The following EXOC6B variants were observed in gnomAD, a reference collection of about 807,000 sequenced individuals.
EXOC6B encodes SEC15 homolog B.
Under a neutral mutation model 113.5 loss-of-function variants are expected in EXOC6B, and 54 were observed. The ratio of observed to expected loss-of-function variants is 0.48; its 90% CI spans 0.38 to 0.60. The LOEUF (loss-of-function observed/expected upper bound fraction) is 0.60. Among genes scored for constraint, EXOC6B ranks in the 20% least tolerant of loss-of-function variants. The probability of loss-of-function intolerance (pLI) is 0.00; values close to 1 mark genes in which losing one functional copy is unlikely to be tolerated. For missense variants in EXOC6B, 797 were observed against 977.5 expected (o/e 0.82, Z 2.46); for synonymous variants, 357 against 339.0 (o/e 1.05, Z -0.58).
At chr2:72,530,254 T>C (rs1701933628) in intron 8 of EXOC6B, among the ~76,000 whole-genome samples, 1 of 152,224 alleles carries the variant, frequency 6.6e-6, no homozygotes, top group Non-Finnish European at 1.5e-5. Context: ...TTTTCCAGTG[T>C]AAACAGTTTA....
intron 20 of EXOC6B, among the ~76,000 whole-genome samples, chr2:72,261,895 G>A (rs139131639): frequency 5.3e-5 from 8 of 152,166 alleles, no homozygotes; most frequent in African/African-American, 1.7e-4. Flanking sequence ...GAAATGAAAC[G>A]CAATGCCTTA....
At chr2:72,290,042 G>A (rs968083323) in intron 20 of EXOC6B, among the ~76,000 whole-genome samples, 2 of 152,124 alleles carry the variant, frequency 1.3e-5, no homozygotes, top group Non-Finnish European at 2.9e-5. Flanking sequence ...CTTTGGACTC[G>A]AACCAAACCA....
chr2:72,807,709 T>C (rs1266078350), intron 1 of EXOC6B, among the ~76,000 whole-genome samples: 1 of 152,102 alleles, frequency 6.6e-6, no homozygotes, highest in Non-Finnish European at 1.5e-5. Flanking sequence ...TGGTTACAAC[T>C]GGAGGTCATT....
chr2:72,230,646 T>C lies in EXOC6B; in HGVS notation c.2197-46459A>G, dbSNP rs553035322. On this transcript the variant is annotated intron_variant, in intron 20 of 21. Transcript: ENST00000272427. Reference sequence around the variant, plus strand: ...GTTAGGTACTAAGGAAAAGAAGAAATAGGTTGTGTGAAAAGCTTACAATAG... The same window carrying C: ...GTTAGGTACTAAGGAAAAGAAGAAACAGGTTGTGTGAAAAGCTTACAATAG... Among the ~76,000 whole-genome samples the C allele has an allele frequency of 2.2e-4, 33 of 152,248 alleles. No homozygotes were observed. The South Asian group carries it at 5.0e-3, about 23-fold the overall frequency.
chr2:72,222,965 G>A (rs1680971039), intron 20 of EXOC6B, among the ~76,000 whole-genome samples: 1 of 152,164 alleles, frequency 6.6e-6, no homozygotes, highest in African/African-American at 2.4e-5. Context: ...TCACAGATTA[G>A]TGGTTATATA....
At chr2:72,451,654 C>CTGTGTGTGTGTGTGTGTGTG (rs141514102) in intron 18 of EXOC6B, among the ~76,000 whole-genome samples, 40 of 142,496 alleles carry the variant, frequency 2.8e-4, no homozygotes, top group African/African-American at 9.9e-4. Flanking sequence ...GTCTTTGTGC[C>CTGTGTGTGTGTGTGTGTGTG]TGTGTGTGTG....
chr2:72,645,130 G>T (rs551600552), intron 6 of EXOC6B, among the ~76,000 whole-genome samples: 2 of 152,042 alleles, frequency 1.3e-5, no homozygotes, highest in South Asian at 4.2e-4. Flanking sequence ...AAAAAGTGGG[G>T]GTTGCAATCC....
At chr2:72,730,862 T>A (rs1056759126) in intron 5 of EXOC6B, 145 bp downstream of exon 5, 19 of 555,644 alleles carry the variant, frequency 3.4e-5, no homozygotes, top group Non-Finnish European at 5.9e-5. Flanking sequence ...TATAAATAAA[T>A]CTAGAATGAA....
chr2:72,190,823 T>C (rs1467773857), intron 20 of EXOC6B, among the ~76,000 whole-genome samples: 1 of 152,224 alleles, frequency 6.6e-6, no homozygotes, highest in Non-Finnish European at 1.5e-5. Flanking sequence ...GCGGTTTTTG[T>C]AAACTAGGTA....
chr2:72,780,140 G>C (rs1408678526), intron 1 of EXOC6B, among the ~76,000 whole-genome samples: 1 of 152,062 alleles, frequency 6.6e-6, no homozygotes, highest in Non-Finnish European at 1.5e-5. Context: ...TGGAAAAAAA[G>C]GCAAAGAAAC....
In EXOC6B at chr2:72,741,473, T is replaced by C; in HGVS notation, c.114-4A>G. The C allele has an allele frequency of 6.4e-7, 1 of 1,558,634 alleles. No individual in the cohort carries two copies. The highest frequency in any genetic ancestry group is 8.7e-7 in the Non-Finnish European group (1 of 1,151,382). ...TTCTTCACCATCATAAACAGACCTT[T>C]AAAAAAAAATGGCACGAAGATTATA... On this transcript the variant is annotated splice_region_variant and splice_polypyrimidine_tract_variant and intron_variant, in intron 1 of 21. Coordinates refer to ENST00000272427, the MANE Select transcript of EXOC6B (RefSeq NM_015189.3).
At chr2:72,549,512 C>A (rs2105816228) in intron 8 of EXOC6B, among the ~76,000 whole-genome samples, 1 of 152,254 alleles carries the variant, frequency 6.6e-6, no homozygotes, top group African/African-American at 2.4e-5. Context: ...TGGCTGGTGA[C>A]TACATAGATG....
Position 72,575,634 on chromosome 2 carries a change from A to C in EXOC6B, c.704T>G (p.Leu235Trp). ...CTTGCTACCTATTCTGGGTTGTTGC[A>C]AGACGATGTTATCCAGGTTTCTTTG... The part of the protein sequence containing the change: ...QQQRNLDNIV[L>W]QQPRIGSKRK... The change falls in exon 7 of 22, where the codon TTG (leucine) becomes TGG (tryptophan). Residue 235 changes from leucine (L) to tryptophan (W), a missense_variant. Transcript: ENST00000272427. The C allele has an allele frequency of 6.2e-7, 1 of 1,604,352 alleles. No individual in the cohort carries two copies. The highest frequency in any genetic ancestry group is 1.3e-5 in the African/African-American group (1 of 74,270).
In EXOC6B at chr2:72,647,958, C is replaced by A. The variant is rs1451670692; in HGVS notation, c.669+70145G>T. On this transcript the variant is annotated intron_variant, in intron 6 of 21. Transcript: ENST00000272427. ...ATCTAATTAAACTAAAGAGCTTCTG[C>A]ACGGCAAAAGAAACTACCATCAGAG... 2.6e-5 allele frequency among the ~76,000 whole-genome samples: 4 copies of A among 152,246 alleles called. No homozygotes were observed. The East Asian group carries it at 5.8e-4, about 22-fold the overall frequency.
chr2:72,291,492 C>T (rs913272533), intron 20 of EXOC6B, among the ~76,000 whole-genome samples: 2 of 152,168 alleles, frequency 1.3e-5, no homozygotes, highest in African/African-American at 2.4e-5. Flanking sequence ...GGAATCTCAG[C>T]GGCTGAGAAG....
intron 6 of EXOC6B, among the ~76,000 whole-genome samples, chr2:72,585,564 T>C (rs1705509416): frequency 1.3e-5 from 2 of 149,896 alleles, no homozygotes; most frequent in African/African-American, 4.9e-5. Context: ...GCCATTGCAC[T>C]CCAGCCTGGG....
At chr2:72,335,091 C>T in intron 19 of EXOC6B, 71 bp from the exon 20 acceptor site, 3 of 1,382,028 alleles carry the variant, frequency 2.2e-6, no homozygotes, top group South Asian at 2.3e-5. Context: ...AGACGGATGA[C>T]AGGGAAGACA....
intron 18 of EXOC6B, among the ~76,000 whole-genome samples, chr2:72,400,461 G>A (rs1413211465): frequency 6.6e-6 from 1 of 151,888 alleles, no homozygotes; most frequent in African/African-American, 2.4e-5. Context: ...AAACTAGAAA[G>A]CATCTGCACA....
chr2:72,190,521 A>T (rs1171016498), intron 20 of EXOC6B, among the ~76,000 whole-genome samples: 1 of 151,980 alleles, frequency 6.6e-6, no homozygotes, highest in Non-Finnish European at 1.5e-5. Flanking sequence ...GAGAAGTATT[A>T]CTCCCTCCTC....
Sources: allele counts gnomAD v4.1 joint callset (sites outside exome capture counted in the v4.1 genomes callset), GRCh38; gene constraint gnomAD v4.1.1; transcripts MANE v1.5; gene names NCBI Gene and HGNC (gene_info 2026-07-23, HGNC 2026-07-21).